Variants in SAE1 observed in about 807,000 individuals in gnomAD.
SAE1 encodes SUMO-activating enzyme subunit 1.
In SAE1, 11 loss-of-function variants were observed where a neutral mutation model predicts 40.6. The observed-to-expected ratio is 0.27, with a 90% CI of 0.17 to 0.45. The LOEUF is 0.45. Among genes scored for constraint, SAE1 ranks in the 20% least tolerant of loss-of-function variants. The pLI is 1.00. For synonymous variants in SAE1, 155 were observed against 154.3 expected (o/e 1.00, Z -0.03); for missense variants, 373 against 427.3 (o/e 0.87, Z 1.12).
At chr19:47,200,076 G>A (rs1377588839) in intron 7 of SAE1, among the ~76,000 whole-genome samples, 2 of 151,800 alleles carry the variant, frequency 1.3e-5, no homozygotes, top group African/African-American at 2.4e-5. Flanking sequence ...GATAACAGGC[G>A]CCCGCCACCA....
At chr19:47,134,918 G>A (rs935081029) in intron 1 of SAE1, among the ~76,000 whole-genome samples, 3 of 152,018 alleles carry the variant, frequency 2.0e-5, no homozygotes, top group Non-Finnish European at 4.4e-5. Flanking sequence ...ATTGGCTGGG[G>A]GTTGCAGGAG....
At chr19:47,193,349 C>T (rs947562058) in intron 6 of SAE1, among the ~76,000 whole-genome samples, 2 of 152,086 alleles carry the variant, frequency 1.3e-5, no homozygotes, top group African/African-American at 4.8e-5. Context: ...GCATGAGCCA[C>T]CACACCTGGC....
intron 6 of SAE1, among the ~76,000 whole-genome samples, chr19:47,177,024 G>T (rs2058473338): frequency 6.6e-6 from 1 of 152,172 alleles, no homozygotes. Flanking sequence ...TACAGGTTTA[G>T]CCTAGAGCAG....
chr19:47,159,490 C>T (rs867886525), intron 5 of SAE1, among the ~76,000 whole-genome samples: 2 of 151,812 alleles, frequency 1.3e-5, no homozygotes, highest in Non-Finnish European at 2.9e-5. Context: ...AATATTTGTT[C>T]AGTGTACTGG....
chr19:47,174,226 G>A (rs1270588665), intron 6 of SAE1, among the ~76,000 whole-genome samples: 1 of 151,232 alleles, frequency 6.6e-6, no homozygotes, highest in Non-Finnish European at 1.5e-5. Flanking sequence ...TCAGTTTTGA[G>A]TTCCAGGGCT....
At chr19:47,204,509 C>CCTTT (rs398034856) in intron 8 of SAE1, among the ~76,000 whole-genome samples, 10 of 112,980 alleles carry the variant, frequency 8.9e-5, no homozygotes, top group African/African-American at 2.4e-4. Context: ...CACCCCCCCC[C>CCTTT]TTTTTTTTTT....
intron 7 of SAE1, among the ~76,000 whole-genome samples, chr19:47,202,765 C>G (rs896955958): frequency 9.9e-5 from 15 of 151,836 alleles, no homozygotes; most frequent in Non-Finnish European, 1.5e-5. Flanking sequence ...TTCAGAGTAG[C>G]CGGGCGTGGT....
At chr19:47,151,729 C>G (rs1246847427) in intron 3 of SAE1, among the ~76,000 whole-genome samples, 1 of 152,166 alleles carries the variant, frequency 6.6e-6, no homozygotes, top group East Asian at 1.9e-4. Context: ...GGGACACTTT[C>G]CATTTGGACA....
intron 6 of SAE1, among the ~76,000 whole-genome samples, chr19:47,176,610 T>C (rs1179594730): frequency 6.6e-6 from 1 of 152,204 alleles, no homozygotes; most frequent in Non-Finnish European, 1.5e-5. Context: ...CCCATCAGGC[T>C]TTTGATTCCA....
intron 5 of SAE1, among the ~76,000 whole-genome samples, chr19:47,157,537 A>T (rs2058331769): frequency 6.6e-6 from 1 of 152,216 alleles, no homozygotes; most frequent in Non-Finnish European, 1.5e-5. Context: ...AGCCATTCAC[A>T]GCTGGAAGTT....
intron 7 of SAE1, among the ~76,000 whole-genome samples, chr19:47,200,731 TTTTA>T (rs2058648741): frequency 6.6e-6 from 1 of 152,186 alleles, no homozygotes; most frequent in African/African-American, 2.4e-5. Context: ...GTAAATAAAG[TTTTA>T]TTGGCACACT....
chr19:47,160,336 G>A (rs907182758), intron 5 of SAE1, among the ~76,000 whole-genome samples: 7 of 144,056 alleles, frequency 4.9e-5, no homozygotes, highest in African/African-American at 1.3e-4. Flanking sequence ...ATTCTCCTGC[G>A]TTAGCCTTCC....
intron 8 of SAE1, among the ~76,000 whole-genome samples, chr19:47,207,003 A>C (rs2123330986): frequency 6.6e-6 from 1 of 152,270 alleles, no homozygotes; most frequent in East Asian, 1.9e-4. Flanking sequence ...ATGCTTAATA[A>C]ATGTTCCCTT....
At chr19:47,199,445 C>G (rs1356770992) in intron 7 of SAE1, among the ~76,000 whole-genome samples, 1 of 148,682 alleles carries the variant, frequency 6.7e-6, no homozygotes, top group African/African-American at 2.5e-5. Flanking sequence ...CCTGAGCACA[C>G]GAGACTGAGA....
chr19:47,156,879 G>C (rs904040800), intron 5 of SAE1, among the ~76,000 whole-genome samples: 12 of 152,204 alleles, frequency 7.9e-5, no homozygotes, highest in African/African-American at 2.9e-4. Flanking sequence ...GCTGGAATCT[G>C]AGATGGGAAC....
intron 6 of SAE1, among the ~76,000 whole-genome samples, chr19:47,176,885 T>C (rs1011540899): frequency 6.6e-6 from 1 of 152,228 alleles, no homozygotes; most frequent in African/African-American, 2.4e-5. Flanking sequence ...CGTGAGCTGG[T>C]TTCCTGTGGC....
chr19:47,175,395 G>T (rs34349715), intron 6 of SAE1, among the ~76,000 whole-genome samples: 5 of 152,250 alleles, frequency 3.3e-5, no homozygotes, highest in Admixed American at 2.0e-4. Flanking sequence ...TCAGAATTTA[G>T]ACCATGAGGT....
intron 1 of SAE1, among the ~76,000 whole-genome samples, chr19:47,141,810 A>G (rs2058223812): frequency 6.6e-6 from 1 of 152,188 alleles, no homozygotes; most frequent in South Asian, 2.1e-4. Context: ...AATCCTTTTC[A>G]GTATGAATAA....
chr19:47,148,914 A>G (rs536861910), intron 2 of SAE1, among the ~76,000 whole-genome samples: 38 of 151,464 alleles, frequency 2.5e-4, no homozygotes, highest in Admixed American at 5.9e-4. Flanking sequence ...GCACCTGGCC[A>G]TAGTCTATCT....
Sources: allele counts gnomAD v4.1 joint callset (sites outside exome capture counted in the v4.1 genomes callset), GRCh38; gene constraint gnomAD v4.1.1; transcripts MANE v1.5; gene names NCBI Gene and HGNC (gene_info 2026-07-23, HGNC 2026-07-21).